MGST1: variants seen among roughly 807,000 people sequenced by gnomAD.
MGST1 encodes glutathione S-transferase 12.
In MGST1, 5 loss-of-function variants were observed where a neutral mutation model predicts 8.9. The observed-to-expected ratio is 0.56, with a 90% confidence interval of 0.29 to 1.19. MGST1 has a LOEUF of 1.19. MGST1 is among the 50% of genes most tolerant of loss of function. The pLI, the probability that MGST1 is intolerant of heterozygous loss-of-function variation, is 0.08. For missense variants in MGST1, 182 were observed against 187.4 expected (o/e 0.97, Z 0.17); for synonymous variants, 54 against 67.8 (o/e 0.80, Z 1.00).
chr12:16,502,092 T>C (rs1183107163), intron 4 of MGST1, among the ~76,000 whole-genome samples: 2 of 152,202 alleles, frequency 1.3e-5, no homozygotes, highest in Admixed American at 1.3e-4. Flanking sequence ...TTTTATATGA[T>C]TGTCGAAGAC....
intron 4 of MGST1, among the ~76,000 whole-genome samples, chr12:16,481,682 G>C (rs1941365556): frequency 2.6e-5 from 4 of 151,800 alleles, no homozygotes; most frequent in Admixed American, 1.3e-4. Flanking sequence ...TAGATCTAAA[G>C]AACATACAAA....
In MGST1 at chr12:16,413,853, C is replaced by T. The variant is rs1294500310; in HGVS notation, n.779-23535C>T. ...TTTCTGACACATTGAAGACTCTTAG[C>T]CATTGCCAAATCAATGAATGAAAGT... On this transcript the variant is annotated intron_variant and non_coding_transcript_variant, in intron 1 of 1. Transcript: ENST00000359720. The surrounding 1 kb of genome is among the most constrained non-coding windows in gnomAD (Gnocchi z 4.0). Among the ~76,000 whole-genome samples, 2 of 151,998 alleles carry T rather than the reference C, an allele frequency of 1.3e-5. No homozygotes were observed. The highest frequency in any genetic ancestry group is 4.8e-5 in the African/African-American group (2 of 41,370).
chr12:16,395,800 TATATAC>T lies in MGST1; in HGVS notation n.778+12198_778+12203del, dbSNP rs1484462779. Among the ~76,000 whole-genome samples the T allele has an allele frequency of 3.3e-3, 441 of 135,356 alleles. 13 individuals are homozygous for T. The highest frequency in any genetic ancestry group is 0.012 in the African/African-American group (422 of 34,154). The allele number at this position is 135,356 out of a possible 152,430, so 88.8% of individuals were successfully genotyped here. On this transcript the variant is annotated intron_variant and non_coding_transcript_variant, in intron 1 of 1. Transcript: ENST00000359720. Reference sequence around the variant, plus strand: ...TCCATCATATATATATATATATATATATATACACACACACACACACACACACCACAA... The same window carrying T: ...TCCATCATATATATATATATATATATACACACACACACACACACACCACAA...
intron 1 of MGST1, among the ~76,000 whole-genome samples, chr12:16,387,014 A>G (rs1940509413): frequency 6.6e-6 from 1 of 152,198 alleles, no homozygotes; most frequent in African/African-American, 2.4e-5. Context: ...CCCAAAGTCC[A>G]AGAGTAGTAA....
chr12:16,367,165 C>T (rs1940207465), downstream of MGST1, among the ~76,000 whole-genome samples: 1 of 152,114 alleles, frequency 6.6e-6, no homozygotes, highest in Admixed American at 6.5e-5. Flanking sequence ...TGTTGGTCTA[C>T]TCTTTTCTCC....
intron 1 of MGST1, among the ~76,000 whole-genome samples, chr12:16,352,760 G>T (rs1939526232): frequency 1.3e-5 from 2 of 152,086 alleles, no homozygotes; most frequent in Admixed American, 6.5e-5. Flanking sequence ...ATGACTCAAG[G>T]ATCATGTAAA....
intron 1 of MGST1, among the ~76,000 whole-genome samples, chr12:16,350,041 G>GC (rs1281275043): frequency 2.0e-5 from 3 of 152,158 alleles, no homozygotes; most frequent in Non-Finnish European, 4.4e-5. Flanking sequence ...ACCGCGCTCG[G>GC]CCCCCGCTTT....
rs1941514967 is a variant in MGST1, at chr12:16,503,046, C to G, written n.483-86482C>G. 1.3e-5 allele frequency among the ~76,000 whole-genome samples: 2 copies of G among 152,078 alleles called. No homozygotes were observed. The highest frequency in any genetic ancestry group is 4.1e-4 in the South Asian group (2 of 4,830). On this transcript the variant is annotated intron_variant and non_coding_transcript_variant, in intron 4 of 4. Coordinates refer to the MGST1 transcript ENST00000538857. The surrounding 1 kb of genome is among the most constrained non-coding windows in gnomAD (Gnocchi z 4.8). ...TAGGAGTAGAATATGAATGACAAGT[C>G]AAATACAATCTCTGAGGGTGGAAGA... is the stretch of plus-strand genomic sequence containing the variant.
chr12:16,399,649 C>A, intron 1 of MGST1: 1 of 1,596,442 alleles, frequency 6.3e-7, no homozygotes, highest in South Asian at 1.1e-5. Flanking sequence ...CCCTCATCGT[C>A]AGGCTCCAGA....
At chr12:16,390,299 AAAAC>A (rs1404952861) in intron 1 of MGST1, among the ~76,000 whole-genome samples, 5 of 152,230 alleles carry the variant, frequency 3.3e-5, no homozygotes, top group African/African-American at 1.2e-4. Context: ...ATTATAGAAA[AAAAC>A]AGTATTTGTT....
At chr12:16,441,207 C>A (rs1275651264), downstream of MGST1, among the ~76,000 whole-genome samples, 1 of 151,720 alleles carries the variant, frequency 6.6e-6, no homozygotes, top group African/African-American at 2.4e-5. Context: ...AGATTCATGG[C>A]AAAATTAAGT....
chr12:16,393,424 C>T (rs1309198370), intron 1 of MGST1, among the ~76,000 whole-genome samples: 1 of 152,190 alleles, frequency 6.6e-6, no homozygotes, highest in Non-Finnish European at 1.5e-5. Context: ...TCAGGGCAGG[C>T]AAAACCTGCA....
intron 4 of MGST1, among the ~76,000 whole-genome samples, chr12:16,479,475 C>G (rs1210764090): frequency 1.3e-5 from 2 of 151,094 alleles, no homozygotes; most frequent in Non-Finnish European, 2.9e-5. Flanking sequence ...ACCTCATGAT[C>G]TGCCCATCTC....
rs1477349974 is a variant in MGST1 at position 16,363,862 on chromosome 12, G to T, written c.289G>T (p.Gly97Cys). The T allele has an allele frequency of 6.2e-7, 1 of 1,613,552 alleles. No individual in the cohort carries two copies. Among genetic ancestry groups the T allele is most frequent in the Non-Finnish European group, 8.5e-7 (1 of 1,179,642 alleles). The change falls in exon 4 of 4, where the codon GGT becomes TGT. Residue 97 changes from glycine to cysteine, a missense_variant. Gly to Cys is a radical substitution (Grantham distance 159). Transcript: ENST00000396210. This position sits in a 1 kb window ranked among gnomAD's most constrained non-coding sequence, Gnocchi z 4.6. ...LGIGLLYSLSGPDPSTAILHF... is the reference protein window; with the variant it reads ...LGIGLLYSLSCPDPSTAILHF... Reference sequence around the variant, plus strand: ...AATTGGCCTCCTGTATTCCTTGAGTGGTCCCGACCCCTCTACAGCCATCCT... The same window carrying T: ...AATTGGCCTCCTGTATTCCTTGAGTTGTCCCGACCCCTCTACAGCCATCCT...
intron 4 of MGST1, among the ~76,000 whole-genome samples, chr12:16,530,123 C>T (rs1941712959): frequency 1.3e-5 from 2 of 152,032 alleles, no homozygotes; most frequent in African/African-American, 4.8e-5. Context: ...AAAAATCTTA[C>T]TGAATATGAT....
Position 16,584,880 on chromosome 12 carries a change from G to C in MGST1, n.483-4648G>C, listed in dbSNP as rs891971985. Among the ~76,000 whole-genome samples, 1 of 152,128 alleles carries C rather than the reference G, an allele frequency of 6.6e-6. No homozygotes were observed. The highest frequency in any genetic ancestry group is 2.4e-5 in the African/African-American group (1 of 41,428). ...TCTCTTCAAGAATTCAGGATGCGAG[G>C]AAATATTTTCAAACACCTTAGCGAA... On this transcript the variant is annotated intron_variant and non_coding_transcript_variant, in intron 4 of 4. Coordinates refer to the MGST1 transcript ENST00000538857. This position sits in a 1 kb window ranked among gnomAD's most constrained non-coding sequence, Gnocchi z 5.2.
At chr12:16,423,792 A>G (rs561265206) in intron 1 of MGST1, among the ~76,000 whole-genome samples, 6 of 152,234 alleles carry the variant, frequency 3.9e-5, no homozygotes, top group African/African-American at 1.4e-4. Flanking sequence ...AGGTAAGTCA[A>G]TTCTATGCTC....
intron 1 of MGST1, chr12:16,399,991 C>G: frequency 6.9e-7 from 1 of 1,454,536 alleles, no homozygotes; most frequent in South Asian, 1.1e-5. Context: ...GAGGCAGGTA[C>G]TCCTGTAGGG....
chr12:16,592,088 A>G (rs1943511835), downstream of MGST1, among the ~76,000 whole-genome samples: 1 of 152,100 alleles, frequency 6.6e-6, no homozygotes, highest in African/African-American at 2.4e-5. Context: ...TTCACAAAAG[A>G]AAGTATGTAT....
Sources: gnomAD v4.1 joint callset for allele counts (sites outside exome capture counted in the v4.1 genomes callset) on GRCh38, gnomAD v4.1.1 for gene constraint, Gnocchi (gnomAD v3.1) non-coding constraint, MANE v1.5 for transcripts, NCBI Gene and HGNC (gene_info 2026-07-23, HGNC 2026-07-21) for gene names.